GMDS: variants seen among roughly 807,000 people sequenced by gnomAD.
GMDS encodes GDP-mannose 4,6 dehydratase.
Under a neutral mutation model 49.9 loss-of-function variants are expected in GMDS, and 20 were observed. The ratio of observed to expected loss-of-function variants is 0.40; its 90% CI spans 0.28 to 0.58. GMDS has a LOEUF of 0.58. Among genes scored for constraint, GMDS ranks in the 20% least tolerant of loss-of-function variants. The probability of loss-of-function intolerance (pLI) is 0.42; values close to 1 mark genes in which losing one functional copy is unlikely to be tolerated. For missense variants in GMDS, 362 were observed against 481.4 expected, an observed-to-expected ratio of 0.75 and a Z score of 2.32; for synonymous variants, 177 against 178.6, an observed-to-expected ratio of 0.99 and a Z score of 0.07.
At chr6:2,050,782 T>C (rs1265287149) in intron 4 of GMDS, among the ~76,000 whole-genome samples, 2 of 152,130 alleles carry the variant, frequency 1.3e-5, no homozygotes, top group Non-Finnish European at 2.9e-5. Context: ...AAAAACCACA[T>C]GATTATCTCA....
chr6:1,739,988 C>T (rs1012311169), intron 8 of GMDS, among the ~76,000 whole-genome samples: 8 of 152,138 alleles, frequency 5.3e-5, no homozygotes, highest in Admixed American at 6.5e-5. Flanking sequence ...ATAATTCATG[C>T]GTATCATCCT....
chr6:2,046,235 G>C (rs915170377), intron 4 of GMDS, among the ~76,000 whole-genome samples: 2 of 152,040 alleles, frequency 1.3e-5, no homozygotes, highest in African/African-American at 4.8e-5. Flanking sequence ...TAAAATCATA[G>C]ACTAAAGAAA....
chr6:2,192,231 T>C (rs1021686317), intron 1 of GMDS, among the ~76,000 whole-genome samples: 5 of 152,108 alleles, frequency 3.3e-5, no homozygotes, highest in African/African-American at 1.2e-4. Flanking sequence ...AGAGAGGAGC[T>C]ACCCTCTCTG....
chr6:1,630,579 G>A (rs1245801885), intron 9 of GMDS, among the ~76,000 whole-genome samples: 2 of 152,224 alleles, frequency 1.3e-5, no homozygotes, highest in African/African-American at 2.4e-5. Context: ...CAGAGGCTGC[G>A]CTGGGAAGCT....
chr6:2,151,858 T>A (rs1018516518), intron 1 of GMDS, among the ~76,000 whole-genome samples: 18 of 152,138 alleles, frequency 1.2e-4, no homozygotes, highest in Non-Finnish European at 2.4e-4. Flanking sequence ...AATGGGTATA[T>A]GATTTTTTCT....
intron 7 of GMDS, among the ~76,000 whole-genome samples, chr6:1,774,801 T>C (rs1052766292): frequency 1.3e-5 from 2 of 152,248 alleles, no homozygotes; most frequent in Non-Finnish European, 2.9e-5. Context: ...AGTCATCTGA[T>C]TGAATCAGTG....
At chr6:2,160,377 CACT>C (rs1458977580) in intron 1 of GMDS, among the ~76,000 whole-genome samples, 2 of 152,174 alleles carry the variant, frequency 1.3e-5, no homozygotes, top group Non-Finnish European at 2.9e-5. Flanking sequence ...AATGGATAAG[CACT>C]ACTATGATCC....
intron 8 of GMDS, among the ~76,000 whole-genome samples, chr6:1,726,759 C>A (rs1158085108): frequency 1.3e-5 from 2 of 152,172 alleles, no homozygotes; most frequent in Non-Finnish European, 2.9e-5. Context: ...AGAAGTGAGA[C>A]TTTAGAAATG....
At chr6:1,710,733 T>C (rs561344242) in intron 9 of GMDS, among the ~76,000 whole-genome samples, 33 of 152,192 alleles carry the variant, frequency 2.2e-4, no homozygotes, top group Non-Finnish European at 4.1e-4. Context: ...CTGGTGATAC[T>C]GCCAAGCTCA....
chr6:1,924,273 G>T (rs777822758), intron 7 of GMDS, among the ~76,000 whole-genome samples: 4 of 152,180 alleles, frequency 2.6e-5, no homozygotes, highest in South Asian at 4.1e-4. Flanking sequence ...CACAAAAAAG[G>T]ATGCAGGTAT....
chr6:1,978,404 C>G (rs906757906), intron 4 of GMDS, among the ~76,000 whole-genome samples: 4 of 152,186 alleles, frequency 2.6e-5, no homozygotes, highest in African/African-American at 7.2e-5. Flanking sequence ...GATAACTCAG[C>G]CATTCCAGCC....
chr6:1,900,326 G>A (rs1760437386), intron 7 of GMDS, among the ~76,000 whole-genome samples: 1 of 152,196 alleles, frequency 6.6e-6, no homozygotes, highest in Non-Finnish European at 1.5e-5. Context: ...AGAGTCTACA[G>A]TGAACACCGT....
chr6:2,194,941 G>T (rs771254443), intron 1 of GMDS, among the ~76,000 whole-genome samples: 1 of 152,168 alleles, frequency 6.6e-6, no homozygotes, highest in Non-Finnish European at 1.5e-5. Flanking sequence ...ATGCTGCTCT[G>T]TCAGCCACAA....
chr6:2,073,844 A>G (rs1187640593), intron 4 of GMDS, among the ~76,000 whole-genome samples: 1 of 152,104 alleles, frequency 6.6e-6, no homozygotes, highest in Admixed American at 6.5e-5. Flanking sequence ...TCATTCTTTC[A>G]TTATGTTTTA....
At chr6:1,637,993 CTT>C (rs752880845) in intron 9 of GMDS, among the ~76,000 whole-genome samples, 8 of 152,224 alleles carry the variant, frequency 5.3e-5, no homozygotes, top group Non-Finnish European at 1.2e-4. Context: ...GGTCTTCTCT[CTT>C]TAGTTATGTG....
chr6:1,712,680 C>A (rs560675986), intron 9 of GMDS, among the ~76,000 whole-genome samples: 1 of 151,626 alleles, frequency 6.6e-6, no homozygotes. Context: ...ATGAGGGTAT[C>A]GGAAAGCTCA....
chr6:1,663,242 T>C (rs1480607988), intron 9 of GMDS, among the ~76,000 whole-genome samples: 1 of 152,170 alleles, frequency 6.6e-6, no homozygotes, highest in Non-Finnish European at 1.5e-5. Context: ...TCGTTAGGGA[T>C]GCTGGGAAGT....
At chr6:1,864,964 A>G (rs1333354844) in intron 7 of GMDS, among the ~76,000 whole-genome samples, 1 of 152,206 alleles carries the variant, frequency 6.6e-6, no homozygotes, top group Non-Finnish European at 1.5e-5. Context: ...TTTCATTTGC[A>G]AAACATAGTA....
chr6:2,214,334 T>C lies in GMDS; in HGVS notation c.102+30987A>G, dbSNP rs140050777. 7.7e-4 allele frequency among the ~76,000 whole-genome samples: 118 copies of C among 152,300 alleles called. 1 individual carries two copies. The highest frequency in any genetic ancestry group is 3.4e-3 in the Middle Eastern group (1 of 294). On this transcript the variant is annotated intron_variant, in intron 1 of 10. Transcript: ENST00000380815. Reference sequence around the variant, plus strand: ...TACAGTTGGCCCCTATATCCATCGGTTCCTCATTGAGGATTCAACCAACTG... The same window carrying C: ...TACAGTTGGCCCCTATATCCATCGGCTCCTCATTGAGGATTCAACCAACTG...
Sources: allele counts gnomAD v4.1 joint callset (sites outside exome capture counted in the v4.1 genomes callset), GRCh38; gene constraint gnomAD v4.1.1; transcripts MANE v1.5; gene names NCBI Gene and HGNC (gene_info 2026-07-23, HGNC 2026-07-21).